The following FAM135A variants were observed in gnomAD, a reference collection of about 807,000 sequenced individuals.
FAM135A encodes protein FAM135A.
A neutral mutation model predicts 146.8 loss-of-function variants in FAM135A; 79 were observed. The observed-to-expected ratio is 0.54, with a 90% CI of 0.45 to 0.65. The LOEUF is 0.65. Among genes scored for constraint, FAM135A ranks in the 30% least tolerant of loss-of-function variants. FAM135A has a pLI of 0.00. For synonymous variants in FAM135A, 562 were observed against 603.6 expected (o/e 0.93, Z 1.01); for missense variants, 1,623 against 1,758.2 (o/e 0.92, Z 1.38).
In FAM135A at chr6:70,554,087, G is replaced by A. The variant is rs145954394; in HGVS notation, c.4229-2663G>A. On this transcript the variant is annotated intron_variant, in intron 20 of 21. Coordinates refer to ENST00000418814, the MANE Select transcript of FAM135A (RefSeq NM_001162529.3). ...GTCAAGGTATCTGGCAAGAAAAGCA[G>A]GCCAGAAATTTAGATTTGAGGAGCA... is the stretch of plus-strand genomic sequence containing the variant. Among the ~76,000 whole-genome samples, 476 of 152,200 alleles carry A rather than the reference G, an allele frequency of 3.1e-3. 4 individuals carry two copies. Among genetic ancestry groups the A allele is most frequent in the African/African-American group, 0.011 (455 of 41,524 alleles).
Position 70,525,653 on chromosome 6 carries a change from A to G in FAM135A, c.2569A>G (p.Lys857Glu), listed in dbSNP as rs1794548622. 6.2e-7 allele frequency: 1 copy of G among 1,612,542 alleles called. No homozygotes were observed. The highest frequency in any genetic ancestry group is 8.5e-7 in the Non-Finnish European group (1 of 1,179,474). Residue 857 changes from lysine to glutamate, a missense_variant, in exon 15 of 22, where the codon AAA becomes GAA. Transcript: ENST00000418814. ...DELSPDENSK[K>E]SVVPECHLND... ...ACTGTCACCTGATGAAAATTCTAAG[A>G]AATCTGTTGTACCTGAATGCCATCT...
intron 5 of FAM135A, among the ~76,000 whole-genome samples, chr6:70,472,918 T>C (rs1250820698): frequency 1.3e-5 from 2 of 152,230 alleles, no homozygotes; most frequent in Non-Finnish European, 2.9e-5. Context: ...CAATTCCTAA[T>C]AATGTTAACT....
rs1175023618 is a variant in FAM135A, at chr6:70,502,765, T to A, written c.1003T>A (p.Leu335Ile). ...GCTACACGAAGAACTAAGAATATTA[T>A]TAGCACAAGAGCACCATACTTTGAG... is the stretch of plus-strand genomic sequence containing the variant. ...ITLHEELRIL[L>I]AQEHHTLRVR... The change falls in exon 12 of 22, where the codon TTA becomes ATA. Residue 335 changes from leucine (L) to isoleucine (I), a missense_variant. Around this residue, in one of 7 missense-constraint regions of FAM135A, gnomAD observed 206 missense variants for 194.7 expected, o/e 1.06. Transcript: ENST00000418814. 6.2e-7 allele frequency: 1 copy of A among 1,612,422 alleles called. No individual in the cohort carries two copies. The highest frequency in any genetic ancestry group is 8.5e-7 in the Non-Finnish European group (1 of 1,179,038).
intron 12 of FAM135A, among the ~76,000 whole-genome samples, chr6:70,510,811 A>G (rs2128291870): frequency 6.6e-6 from 1 of 152,184 alleles, no homozygotes; most frequent in African/African-American, 2.4e-5. Context: ...GTCATATGGT[A>G]ATTCTATGTT....
chr6:70,502,076 A>G (rs1788683637), intron 11 of FAM135A, among the ~76,000 whole-genome samples: 2 of 152,214 alleles, frequency 1.3e-5, no homozygotes, highest in African/African-American at 4.8e-5. Context: ...AATTGTTAGA[A>G]ATGAAAAAAA....
At chr6:70,495,638 A>C (rs1252736952) in intron 11 of FAM135A, among the ~76,000 whole-genome samples, 1 of 152,050 alleles carries the variant, frequency 6.6e-6, no homozygotes, top group Non-Finnish European at 1.5e-5. Context: ...ATTTTATTTT[A>C]TTTTTTATTT....
At chr6:70,440,473 G>GGTCAGGA (rs1447857730) in intron 4 of FAM135A, among the ~76,000 whole-genome samples, 5 of 152,112 alleles carry the variant, frequency 3.3e-5, no homozygotes, top group African/African-American at 1.2e-4. Context: ...GATCACCTGA[G>GGTCAGGA]GTCAGGAGTT....
intron 12 of FAM135A, among the ~76,000 whole-genome samples, chr6:70,508,270 C>T (rs1356588079): frequency 6.6e-6 from 1 of 152,160 alleles, no homozygotes; most frequent in Non-Finnish European, 1.5e-5. Flanking sequence ...AAAAGATAGT[C>T]TGTAACAAAG....
At chr6:70,435,385 G>A (rs1016526445) in intron 4 of FAM135A, among the ~76,000 whole-genome samples, 2 of 151,962 alleles carry the variant, frequency 1.3e-5, no homozygotes, top group Admixed American at 6.6e-5. Context: ...GATTACAGGC[G>A]TGAGTGACCG....
chr6:70,522,481 T>C, intron 12 of FAM135A, 32 bp from the exon 13 acceptor site: 1 of 1,594,432 alleles, frequency 6.3e-7, no homozygotes, highest in Non-Finnish European at 8.6e-7. Flanking sequence ...AAATACGTCA[T>C]GTTATTAATA....
intron 8 of FAM135A, among the ~76,000 whole-genome samples, chr6:70,478,496 G>A (rs1783052068): frequency 6.6e-6 from 1 of 152,098 alleles, no homozygotes; most frequent in Non-Finnish European, 1.5e-5. Flanking sequence ...AAATCATTTT[G>A]CAAAATTACC....
intron 13 of FAM135A, among the ~76,000 whole-genome samples, chr6:70,523,694 TTAAAA>T (rs1440052488): frequency 8.5e-5 from 13 of 152,206 alleles, no homozygotes; most frequent in Admixed American, 6.5e-5. Flanking sequence ...GAAATTCACT[TTAAAA>T]TAACATAAGA....
intron 12 of FAM135A, among the ~76,000 whole-genome samples, chr6:70,515,700 A>G (rs1309297143): frequency 6.6e-6 from 1 of 152,068 alleles, no homozygotes; most frequent in East Asian, 1.9e-4. Context: ...GTCATTATAT[A>G]TTTTTCAAGC....
chr6:70,551,471 T>G (rs1228845391), intron 20 of FAM135A, among the ~76,000 whole-genome samples: 2 of 152,024 alleles, frequency 1.3e-5, no homozygotes, highest in Non-Finnish European at 2.9e-5. Flanking sequence ...AAATACCCAA[T>G]GTGCTGTCGC....
rs147740487 is a variant in FAM135A at position 70,454,588 on chromosome 6, G to A, written c.157+2017G>A. 5.6e-3 allele frequency among the ~76,000 whole-genome samples: 859 copies of A among 152,230 alleles called. 3 individuals are homozygous for A. The highest frequency in any genetic ancestry group is 8.2e-3 in the Non-Finnish European group (559 of 68,020). ...CCATCTTGAATTAATTTTCATATAA[G>A]GTGTAAGGAAGGGGTCCAGTTTCAG... On this transcript the variant is annotated intron_variant, in intron 5 of 21. Transcript: ENST00000418814.
intron 5 of FAM135A, among the ~76,000 whole-genome samples, chr6:70,457,106 A>G (rs1313033385): frequency 2.6e-5 from 4 of 152,208 alleles, no homozygotes; most frequent in Non-Finnish European, 5.9e-5. Flanking sequence ...AAGAACACAG[A>G]TATACTTTAT....
At chr6:70,449,474 G>A (rs1776568167) in intron 4 of FAM135A, among the ~76,000 whole-genome samples, 1 of 152,094 alleles carries the variant, frequency 6.6e-6, no homozygotes, top group Non-Finnish European at 1.5e-5. Context: ...AAGATTTTTA[G>A]ATTCTACATG....
intron 4 of FAM135A, among the ~76,000 whole-genome samples, chr6:70,451,915 C>T (rs1179455888): frequency 6.6e-6 from 1 of 151,546 alleles, no homozygotes; most frequent in African/African-American, 2.4e-5. Context: ...TCATAATCAT[C>T]TTTTTCTTAA....
chr6:70,559,744 C>A lies in FAM135A; in HGVS notation c.4371C>A (p.Asn1457Lys). 6.2e-7 allele frequency: 1 copy of A among 1,614,064 alleles called. No homozygotes were observed. The highest frequency in any genetic ancestry group is 8.5e-7 in the Non-Finnish European group (1 of 1,179,992). ...SGQIYSEMIHNLLRPVLQSKD... is the reference protein window; with the variant it reads ...SGQIYSEMIHKLLRPVLQSKD... ...AGATCTATTCAGAAATGATCCACAA[C>A]TTGCTTCGACCCGTTCTGCAAAGCA... is the stretch of plus-strand genomic sequence containing the variant. The change falls in exon 22 of 22, where the codon AAC becomes AAA. Residue 1457 changes from asparagine to lysine, a missense_variant. By Grantham distance (94) the Asn-to-Lys change is moderately conservative. This residue lies in a region of FAM135A where 138 missense variants were observed against 174.1 expected (regional missense o/e 0.79). Coordinates refer to ENST00000418814, the MANE Select transcript of FAM135A (RefSeq NM_001162529.3).
Sources: allele counts gnomAD v4.1 joint callset (sites outside exome capture counted in the v4.1 genomes callset), GRCh38; gene constraint gnomAD v4.1.1; regional missense constraint gnomAD v4.1.1; transcripts MANE v1.5; gene names NCBI Gene and HGNC (gene_info 2026-07-23, HGNC 2026-07-21).